Variants in CPEB3 observed in about 807,000 individuals in gnomAD.
CPEB3 encodes the protein cytoplasmic polyadenylation element-binding protein 3.
Under a neutral mutation model 67.2 loss-of-function variants are expected in CPEB3, and 20 were observed. The observed-to-expected ratio is 0.30, with a 90% CI of 0.21 to 0.43. CPEB3 has a LOEUF of 0.43. CPEB3 is among the 20% of genes least tolerant of loss of function. The pLI is 1.00. For synonymous variants in CPEB3, 376 were observed against 393.1 expected (o/e 0.96, Z 0.51); for missense variants, 746 against 968.6 (o/e 0.77, Z 3.05).
chr10:92,056,941 A>C (rs1201736276), intron 9 of CPEB3, among the ~76,000 whole-genome samples: 1 of 152,138 alleles, frequency 6.6e-6, no homozygotes, highest in Non-Finnish European at 1.5e-5. Context: ...TCCAGGCCCT[A>C]CCTCCCAGGT....
At chr10:92,134,059 T>A (rs1304088795) in intron 6 of CPEB3, among the ~76,000 whole-genome samples, 2 of 152,158 alleles carry the variant, frequency 1.3e-5, no homozygotes, top group African/African-American at 4.8e-5. Context: ...ACAGCCAATA[T>A]CATACTGAAT....
intron 3 of CPEB3, among the ~76,000 whole-genome samples, chr10:92,186,840 C>T (rs1245102794): frequency 6.6e-6 from 1 of 152,092 alleles, no homozygotes; most frequent in African/African-American, 2.4e-5. Flanking sequence ...GTCTCTGCCC[C>T]CAAGAATGTA....
intron 2 of CPEB3, among the ~76,000 whole-genome samples, chr10:92,201,491 G>A (rs915055310): frequency 3.3e-5 from 5 of 152,162 alleles, no homozygotes; most frequent in Non-Finnish European, 5.9e-5. Context: ...TGGTGCCACC[G>A]CACTCCAGTC....
chr10:92,163,625 C>T (rs1391884541), intron 4 of CPEB3, among the ~76,000 whole-genome samples: 1 of 152,120 alleles, frequency 6.6e-6, no homozygotes, highest in Non-Finnish European at 1.5e-5. Flanking sequence ...AAAATGTCCC[C>T]CTTTCCCTCA....
chr10:92,149,965 T>C (rs1458163029), intron 4 of CPEB3, among the ~76,000 whole-genome samples: 1 of 152,156 alleles, frequency 6.6e-6, no homozygotes, highest in Non-Finnish European at 1.5e-5. Flanking sequence ...AATATCCAAG[T>C]TCAATCAAGT....
intron 6 of CPEB3, among the ~76,000 whole-genome samples, chr10:92,139,210 G>T (rs1350807777): frequency 1.3e-5 from 2 of 151,586 alleles, no homozygotes; most frequent in East Asian, 3.9e-4. Flanking sequence ...CCCAGAGGTG[G>T]AGGTTGAAGT....
chr10:92,242,200 C>A (rs1479068155), intron 1 of CPEB3, among the ~76,000 whole-genome samples: 2 of 152,180 alleles, frequency 1.3e-5, no homozygotes, highest in African/African-American at 4.8e-5. Context: ...TGCTTCGCAG[C>A]CACCTTGCTC....
chr10:92,265,398 C>T (rs1259968100), intron 1 of CPEB3, among the ~76,000 whole-genome samples: 1 of 152,086 alleles, frequency 6.6e-6, no homozygotes, highest in East Asian at 1.9e-4. Flanking sequence ...CACCTAAAAG[C>T]CTCAGAGCTT....
intron 6 of CPEB3, among the ~76,000 whole-genome samples, chr10:92,121,348 C>T (rs954908433): frequency 6.2e-5 from 9 of 145,732 alleles, no homozygotes; most frequent in South Asian, 2.1e-4. Context: ...AATACACACA[C>T]ATATATATAT....
intron 3 of CPEB3, among the ~76,000 whole-genome samples, chr10:92,186,683 C>A (rs1415770310): frequency 6.6e-6 from 1 of 152,132 alleles, no homozygotes; most frequent in African/African-American, 2.4e-5. Flanking sequence ...GATCTGCCCG[C>A]CTCAGCCTCC....
intron 6 of CPEB3, among the ~76,000 whole-genome samples, chr10:92,121,730 AT>A (rs1468047177): frequency 1.3e-5 from 2 of 152,168 alleles, no homozygotes; most frequent in African/African-American, 4.8e-5. Context: ...CATTCATAAA[AT>A]GGCAGACCAA....
chr10:92,201,529 GAAACAAAC>G (rs10627521), intron 2 of CPEB3, among the ~76,000 whole-genome samples: 5 of 151,586 alleles, frequency 3.3e-5, no homozygotes, highest in Admixed American at 6.6e-5. Context: ...CACTGTCTCA[GAAACAAAC>G]AAACAAACAA....
At chr10:92,182,825 C>CA (rs781545538) in intron 3 of CPEB3, among the ~76,000 whole-genome samples, 2,800 of 48,366 alleles carry the variant, frequency 0.058, 105 homozygotes, top group African/African-American at 0.15. Context: ...GACTCCGTCT[C>CA]AAAAAAAAAA....
chr10:92,132,811 A>C (rs1461803898), intron 6 of CPEB3, among the ~76,000 whole-genome samples: 2 of 152,206 alleles, frequency 1.3e-5, no homozygotes, highest in African/African-American at 4.8e-5. Flanking sequence ...AATCACAATA[A>C]ACTGTCTCTC....
chr10:92,216,641 C>T, intron 2 of CPEB3: 1 of 1,607,388 alleles, frequency 6.2e-7, no homozygotes, highest in South Asian at 1.1e-5. Flanking sequence ...CCGAAATCTG[C>T]CCTATGTCTA....
At chr10:92,285,320 G>C (rs370694340) in intron 1 of CPEB3, among the ~76,000 whole-genome samples, 1 of 152,022 alleles carries the variant, frequency 6.6e-6, no homozygotes, top group South Asian at 2.1e-4. Flanking sequence ...GCCCAGGCTG[G>C]AGTGTAGCGG....
chr10:92,271,931 T>C (rs987322634), intron 1 of CPEB3, among the ~76,000 whole-genome samples: 4 of 152,232 alleles, frequency 2.6e-5, no homozygotes, highest in African/African-American at 9.6e-5. Flanking sequence ...AATGCTACTA[T>C]AAGGAAGGGT....
intron 4 of CPEB3, among the ~76,000 whole-genome samples, chr10:92,163,767 T>G (rs576837061): frequency 6.6e-6 from 1 of 152,366 alleles, no homozygotes; most frequent in African/African-American, 2.4e-5. Context: ...TTTCTCAAAC[T>G]AGGCAAGTTA....
At chr10:92,245,385 C>T (rs1285031228) in intron 1 of CPEB3, among the ~76,000 whole-genome samples, 1 of 152,064 alleles carries the variant, frequency 6.6e-6, no homozygotes, top group East Asian at 1.9e-4. Context: ...ATTTGCCCAC[C>T]TCGGCCTCCC....
Sources: allele counts gnomAD v4.1 joint callset (sites outside exome capture counted in the v4.1 genomes callset), GRCh38; gene constraint gnomAD v4.1.1; transcripts MANE v1.5; gene names NCBI Gene and HGNC (gene_info 2026-07-23, HGNC 2026-07-21).